Variants in RIMS1 observed in about 807,000 individuals in gnomAD.
RIMS1 encodes the protein regulating synaptic membrane exocytosis 1, also known as regulating synaptic membrane exocytosis protein 1.
In RIMS1, 83 loss-of-function variants were observed where a neutral mutation model predicts 214.1. The ratio of observed to expected loss-of-function variants is 0.39; its 90% CI spans 0.32 to 0.47. The LOEUF (loss-of-function observed/expected upper bound fraction) is 0.47. RIMS1 is among the 20% of genes least tolerant of loss of function. RIMS1 has a pLI of 0.99. For synonymous variants in RIMS1, 793 were observed against 786.8 expected (o/e 1.01, Z -0.13); for missense variants, 2,050 against 2,161.8 (o/e 0.95, Z 1.03).
At chr6:72,097,269 A>G in intron 3 of RIMS1, 107 bp downstream of exon 3, 1 of 967,214 alleles carries the variant, frequency 1.0e-6, no homozygotes, top group Middle Eastern at 3.2e-4. Context: ...GTGCATAAAC[A>G]TACACGTTAA....
Position 72,392,826 on chromosome 6 carries a change from T to A in RIMS1, c.4618+16T>A. The A allele has an allele frequency of 6.5e-7, 1 of 1,541,156 alleles. No individual in the cohort carries two copies. The highest frequency in any genetic ancestry group is 8.9e-7 in the Non-Finnish European group (1 of 1,120,002). On this transcript the variant is annotated intron_variant, in intron 31 of 33. Coordinates refer to ENST00000521978, the MANE Select transcript of RIMS1 (RefSeq NM_014989.7). ...CCTGCAATGGGTAAGAATCATTTTT[T>A]TTTTCTACAAGAAAATTGATGTTTT...
chr6:72,329,186 C>T (rs2746203), intron 28 of RIMS1, among the ~76,000 whole-genome samples: 18,290 of 151,858 alleles, frequency 0.12, 1,171 homozygotes, highest in African/African-American at 0.14. Flanking sequence ...GCTTGGACAA[C>T]ACAGCTAATT....
chr6:72,008,291 C>G (rs1350529121), intron 2 of RIMS1, among the ~76,000 whole-genome samples: 1 of 152,140 alleles, frequency 6.6e-6, no homozygotes, highest in East Asian at 1.9e-4. Flanking sequence ...TTTGTCACCA[C>G]CAGGCCTGCC....
At chr6:72,260,801 G>A (rs755468619) in intron 19 of RIMS1, 34 bp downstream of exon 19, 1 of 1,608,284 alleles carries the variant, frequency 6.2e-7, no homozygotes, top group Non-Finnish European at 8.5e-7. Flanking sequence ...GTGACTGTGT[G>A]TGATGACTCT....
chr6:71,907,779 C>CAAGTGCATGGA (rs1345072221), intron 1 of RIMS1, among the ~76,000 whole-genome samples: 1 of 152,146 alleles, frequency 6.6e-6, no homozygotes, highest in Non-Finnish European at 1.5e-5. Context: ...ATGAGAAAAT[C>CAAGTGCATGGA]AAGTGCATGG....
intron 1 of RIMS1, among the ~76,000 whole-genome samples, chr6:71,938,239 A>G (rs1163671149): frequency 6.6e-6 from 1 of 152,160 alleles, no homozygotes; most frequent in Admixed American, 6.5e-5. Context: ...TTGTGCCTGC[A>G]GTCTTCCCAT....
At chr6:72,122,266 G>A (rs1181113618) in intron 4 of RIMS1, among the ~76,000 whole-genome samples, 11 of 146,490 alleles carry the variant, frequency 7.5e-5, no homozygotes, top group African/African-American at 1.8e-4. Context: ...CTGCAGTGGC[G>A]CTATCTTGGC....
intron 2 of RIMS1, among the ~76,000 whole-genome samples, chr6:72,082,576 G>A (rs544727135): frequency 8.5e-5 from 13 of 152,294 alleles, no homozygotes; most frequent in African/African-American, 2.9e-4. Flanking sequence ...CTTTTCTCAA[G>A]TATTGGCACA....
At position 72,242,343 on chromosome 6, in the gene RIMS1, C is replaced by A. The variant is rs916352306; in HGVS notation, c.1987C>A (p.Pro663Thr). The A allele has an allele frequency of 4.5e-6, 7 of 1,563,702 alleles. No individual in the cohort carries two copies. The highest frequency in any genetic ancestry group is 4.1e-5 in the African/African-American group (3 of 73,434). ...TGAAGTTCTAGAATGGAATGGTAAA[C>A]CCCTGCCGGGAGCTACAAATGAAGA... is the stretch of plus-strand genomic sequence containing the variant. Reference protein sequence around the residue: ...GDEVLEWNGKPLPGATNEEVY... With the variant: ...GDEVLEWNGKTLPGATNEEVY... Residue 663 changes from proline to threonine, a missense_variant, in exon 10 of 34, where the codon CCC (proline) becomes ACC (threonine). By Grantham distance (38) the Pro-to-Thr change is conservative. Around this residue, in one of 6 missense-constraint regions of RIMS1, gnomAD observed 111 missense variants for 166.2 expected, o/e 0.67. Coordinates refer to ENST00000521978, the MANE Select transcript of RIMS1 (RefSeq NM_014989.7).
chr6:72,261,857 T>C (rs2078179903), intron 19 of RIMS1: 2 of 985,214 alleles, frequency 2.0e-6, no homozygotes, highest in South Asian at 9.4e-5. Context: ...CGAGGAAATA[T>C]TAGTTCTGCT....
chr6:72,330,060 C>T (rs866434896), intron 28 of RIMS1, among the ~76,000 whole-genome samples: 14 of 151,740 alleles, frequency 9.2e-5, no homozygotes, highest in South Asian at 2.1e-4. Flanking sequence ...AAGGGCTGGG[C>T]ATTGAGGAGC....
rs1345157132 is a variant in RIMS1, at chr6:72,126,735, T to C, written c.471+26749T>C. 1.3e-5 allele frequency: 3 copies of C among 222,732 alleles called. No individual in the cohort carries two copies. In the Admixed American group the frequency reaches 1.7e-4, roughly 13 times the overall value. The allele number at this position is 222,732 out of a possible 1,614,324, so 13.8% of individuals were successfully genotyped here. A position where few individuals can be genotyped will look rare whatever the true frequency, so the allele number is the denominator to read the frequency against. On this transcript the variant is annotated intron_variant, in intron 4 of 33. Coordinates refer to ENST00000521978, the MANE Select transcript of RIMS1 (RefSeq NM_014989.7). ...ATTAAAACAACAATGATATACCACC[T>C]GCAAGAATGGCTGTAATTAAAAAGT... is the stretch of plus-strand genomic sequence containing the variant.
chr6:72,182,643 G>A lies in RIMS1; in HGVS notation c.1172G>A (p.Ser391Asn). ...VSRARHERRH[S>N]DVALPRTEAG... ...CGCGCCAGGCACGAGCGGCGCCACA[G>A]CGACGTGGCGCTCCCGCGCACCGAG... Residue 391 changes from serine (S) to asparagine (N), a missense_variant, in exon 6 of 34, where the codon AGC becomes AAC. Transcript: ENST00000521978. 6.5e-7 allele frequency: 1 copy of A among 1,532,448 alleles called. No individual in the cohort carries two copies. Among genetic ancestry groups the A allele is most frequent in the Non-Finnish European group, 8.8e-7 (1 of 1,139,124 alleles). The allele number at this position is 1,532,448 out of a possible 1,614,324, so 94.9% of individuals were successfully genotyped here. A position where few individuals can be genotyped will look rare whatever the true frequency, so the allele number is the denominator to read the frequency against.
At chr6:72,143,174 C>T (rs1418862936) in intron 4 of RIMS1, among the ~76,000 whole-genome samples, 1 of 152,050 alleles carries the variant, frequency 6.6e-6, no homozygotes, top group Non-Finnish European at 1.5e-5. Context: ...ATAAAATTCT[C>T]TTAAATGTGA....
chr6:72,098,009 T>C (rs2032348341), intron 3 of RIMS1, among the ~76,000 whole-genome samples: 1 of 152,182 alleles, frequency 6.6e-6, no homozygotes, highest in African/African-American at 2.4e-5. Context: ...TGCAGCTTAA[T>C]GTAGAACAGT....
chr6:72,164,955 A>T (rs575606534), intron 4 of RIMS1, among the ~76,000 whole-genome samples: 1 of 152,186 alleles, frequency 6.6e-6, no homozygotes, highest in African/African-American at 2.4e-5. Flanking sequence ...TATATTTCAG[A>T]TAAGGGCTTC....
In RIMS1 at chr6:72,076,570, G is replaced by A. The variant is rs964874917; in HGVS notation, c.246-20379G>A. On this transcript the variant is annotated intron_variant, in intron 2 of 33. Coordinates refer to ENST00000521978, the MANE Select transcript of RIMS1 (RefSeq NM_014989.7). ...TAGGGTTTTAATATTTGAATTCTGG[G>A]TTCAATTTAACATTTGAATATTCAG... 6.6e-5 allele frequency among the ~76,000 whole-genome samples: 10 copies of A among 152,126 alleles called. 1 individual carries two copies. In the South Asian group the frequency reaches 1.7e-3, roughly 25 times the overall value.
chr6:72,046,374 T>C lies in RIMS1; in HGVS notation c.246-50575T>C, dbSNP rs117834569. On this transcript the variant is annotated intron_variant, in intron 2 of 33. Transcript: ENST00000521978. ...TGACATGGAAGAACTTTGACCATGT[T>C]TAGATGCTGGAGTCAATAATTCCTG... 5.8e-4 allele frequency among the ~76,000 whole-genome samples: 89 copies of C among 152,164 alleles called. No individual in the cohort carries two copies. The East Asian group carries it at 0.015, about 26-fold the overall frequency.
chr6:72,344,568 A>T (rs2097198059), intron 29 of RIMS1, among the ~76,000 whole-genome samples: 1 of 151,844 alleles, frequency 6.6e-6, no homozygotes, highest in Non-Finnish European at 1.5e-5. Flanking sequence ...ATGGCACAAG[A>T]AAAACATTCT....
Sources: allele counts gnomAD v4.1 joint callset (sites outside exome capture counted in the v4.1 genomes callset), GRCh38; gene constraint gnomAD v4.1.1; regional missense constraint gnomAD v4.1.1; transcripts MANE v1.5; gene names NCBI Gene and HGNC (gene_info 2026-07-23, HGNC 2026-07-21).